The following FRMD5 variants were observed in gnomAD, a reference collection of about 807,000 sequenced individuals.
FRMD5 encodes FERM domain-containing protein 5.
A neutral mutation model predicts 69.0 loss-of-function variants in FRMD5; 20 were observed. The observed-to-expected ratio is 0.29, with a 90% CI of 0.20 to 0.42. The LOEUF is 0.42. Ranked by LOEUF, FRMD5 falls within the 10% of genes least tolerant of loss-of-function variation. FRMD5 has a pLI of 1.00. For synonymous variants in FRMD5, 271 were observed against 260.1 expected (o/e 1.04, Z -0.40); for missense variants, 595 against 708.6 (o/e 0.84, Z 1.82).
At position 43,895,905 on chromosome 15, in the gene FRMD5, T is replaced by C. The variant is rs138919812; in HGVS notation, c.640-3836A>G. ...ATTCTTCTATCTGACTTGTCATTCT[T>C]GTTGTGAGCCTGCCGTTGGAGTTTG... On this transcript the variant is annotated intron_variant, in intron 7 of 13. Transcript: ENST00000417257. Among the ~76,000 whole-genome samples the C allele has an allele frequency of 6.2e-4, 94 of 152,274 alleles. 1 individual carries two copies. The East Asian group carries it at 0.018, about 29-fold the overall frequency.
At chr15:44,160,917 T>C (rs182859579) in intron 1 of FRMD5, among the ~76,000 whole-genome samples, 3 of 152,334 alleles carry the variant, frequency 2.0e-5, no homozygotes, top group Admixed American at 6.5e-5. Context: ...AGGAAGTAAA[T>C]TGCTCACTTG....
intron 1 of FRMD5, among the ~76,000 whole-genome samples, chr15:43,984,801 T>C (rs1889303970): frequency 6.6e-6 from 1 of 151,802 alleles, no homozygotes; most frequent in Non-Finnish European, 1.5e-5. Flanking sequence ...CTGGCCAACA[T>C]GGTGAAATCC....
chr15:43,912,531 C>T (rs991562762), intron 4 of FRMD5, among the ~76,000 whole-genome samples: 10 of 152,060 alleles, frequency 6.6e-5, no homozygotes, highest in South Asian at 6.2e-4. Context: ...CCTGGATTCA[C>T]GCATCACGTC....
intron 1 of FRMD5, among the ~76,000 whole-genome samples, chr15:44,076,699 A>C (rs866024118): frequency 1.3e-5 from 2 of 150,696 alleles, no homozygotes; most frequent in Middle Eastern, 3.4e-3. Context: ...GGTGCAGTGC[A>C]CCAGCATGGC....
At chr15:44,195,443 C>T (rs966265673), upstream of FRMD5, among the ~76,000 whole-genome samples, 2 of 152,204 alleles carry the variant, frequency 1.3e-5, no homozygotes, top group African/African-American at 4.8e-5. Context: ...GCAGTCGGAC[C>T]TAGTCAAGCC....
intron 1 of FRMD5, among the ~76,000 whole-genome samples, chr15:44,169,001 GCTCTATTTATTCT>G: frequency 6.6e-6 from 1 of 152,148 alleles, no homozygotes; most frequent in Middle Eastern, 3.2e-3. Flanking sequence ...ACTTCAGGTT[GCTCTATTTATTCT>G]CTCCTGTGTT....
At chr15:44,121,699 G>C (rs1349669059) in intron 1 of FRMD5, among the ~76,000 whole-genome samples, 1 of 151,794 alleles carries the variant, frequency 6.6e-6, no homozygotes, top group Admixed American at 6.6e-5. Flanking sequence ...TATGACAGTT[G>C]AAATAGTCTA....
intron 1 of FRMD5, among the ~76,000 whole-genome samples, chr15:44,048,155 T>C (rs1042100263): frequency 6.6e-6 from 1 of 152,230 alleles, no homozygotes; most frequent in Non-Finnish European, 1.5e-5. Flanking sequence ...TTTTCCAAAG[T>C]GGCTATACCA....
At chr15:43,917,071 C>T (rs1028745222) in intron 4 of FRMD5, among the ~76,000 whole-genome samples, 16 of 152,220 alleles carry the variant, frequency 1.1e-4, no homozygotes, top group Middle Eastern at 3.4e-3. Flanking sequence ...TGAGCCACCA[C>T]GCCTGGCGGA....
chr15:44,034,108 CTG>C (rs1891807643), intron 1 of FRMD5, among the ~76,000 whole-genome samples: 1 of 152,188 alleles, frequency 6.6e-6, no homozygotes, highest in Non-Finnish European at 1.5e-5. Flanking sequence ...TGAGTGGAAA[CTG>C]TTACTCTTGT....
chr15:44,170,857 A>G (rs2140528352), intron 1 of FRMD5, among the ~76,000 whole-genome samples: 1 of 152,366 alleles, frequency 6.6e-6, no homozygotes, highest in African/African-American at 2.4e-5. Context: ...TAATTTATAC[A>G]TGATTTTTCA....
intron 1 of FRMD5, among the ~76,000 whole-genome samples, chr15:44,047,614 G>T (rs1381262481): frequency 6.6e-6 from 1 of 152,076 alleles, no homozygotes; most frequent in Non-Finnish European, 1.5e-5. Flanking sequence ...CATTTAAAGG[G>T]CACAATTCAG....
At chr15:44,153,202 A>G (rs2077474169) in intron 1 of FRMD5, among the ~76,000 whole-genome samples, 1 of 152,174 alleles carries the variant, frequency 6.6e-6, no homozygotes, top group Non-Finnish European at 1.5e-5. Context: ...CAGCAATTCT[A>G]TCTCTGGGTG....
chr15:43,929,085 C>G (rs1036698210), intron 1 of FRMD5, among the ~76,000 whole-genome samples: 3 of 152,128 alleles, frequency 2.0e-5, no homozygotes, highest in African/African-American at 7.2e-5. Context: ...CTATATGGTG[C>G]ACAGAATGAT....
chr15:44,031,419 A>G (rs369413366), intron 1 of FRMD5, among the ~76,000 whole-genome samples: 30 of 152,294 alleles, frequency 2.0e-4, no homozygotes, highest in African/African-American at 7.2e-4. Context: ...ATAGTTCTGG[A>G]GGCTGAGAAT....
intron 6 of FRMD5, 48 bp downstream of exon 6, chr15:43,905,780 G>T: frequency 6.2e-7 from 1 of 1,610,350 alleles, no homozygotes; most frequent in East Asian, 2.2e-5. Context: ...TGCGTGCTCA[G>T]GCTGTGGAGA....
intron 1 of FRMD5, among the ~76,000 whole-genome samples, chr15:44,021,727 A>T (rs1438313871): frequency 6.6e-6 from 1 of 152,334 alleles, no homozygotes; most frequent in Non-Finnish European, 1.5e-5. Context: ...GCTATGTAAA[A>T]TGTTATGGTC....
At chr15:44,043,034 G>A (rs1459099900) in intron 1 of FRMD5, among the ~76,000 whole-genome samples, 7 of 152,156 alleles carry the variant, frequency 4.6e-5, no homozygotes, top group Admixed American at 3.9e-4. Flanking sequence ...AAACCCCATC[G>A]TCTCAGCCCA....
chr15:44,075,596 C>A (rs1893724251), intron 1 of FRMD5, among the ~76,000 whole-genome samples: 1 of 152,038 alleles, frequency 6.6e-6, no homozygotes, highest in Non-Finnish European at 1.5e-5. Flanking sequence ...TTCCTTTTAA[C>A]TTAGGGTTTA....
Sources: gnomAD v4.1 joint callset for allele counts (sites outside exome capture counted in the v4.1 genomes callset) on GRCh38, gnomAD v4.1.1 for gene constraint, MANE v1.5 for transcripts, NCBI Gene and HGNC (gene_info 2026-07-23, HGNC 2026-07-21) for gene names.